The following GTF2E1 variants were observed in gnomAD, a reference collection of about 807,000 sequenced individuals.
GTF2E1 encodes general transcription factor IIE subunit 1.
GTF2E1 carries 14 observed loss-of-function variants against 34.9 expected under a neutral mutation model. The observed-to-expected ratio is 0.40, with a 90% CI of 0.27 to 0.63. GTF2E1 has a LOEUF of 0.63. GTF2E1 is among the 20% of genes least tolerant of loss of function. The probability of loss-of-function intolerance (pLI) is 0.39; values close to 1 mark genes in which losing one functional copy is unlikely to be tolerated. For missense variants in GTF2E1, 469 were observed against 557.7 expected (o/e 0.84, Z 1.60); for synonymous variants, 188 against 192.9 (o/e 0.97, Z 0.21).
In GTF2E1 at chr3:120,751,015, G is replaced by C; in HGVS notation, c.448+15G>C. On this transcript the variant is annotated intron_variant, in intron 2 of 4. Coordinates refer to ENST00000283875, the MANE Select transcript of GTF2E1 (RefSeq NM_005513.3). ...TCCTATGACAGGTGAGGTTTATCCA[G>C]TTTGTGAATCTTTAAAATAAAGTGT... 6.5e-7 allele frequency: 1 copy of C among 1,532,078 alleles called. No homozygotes were observed. The highest frequency in any genetic ancestry group is 2.3e-5 in the East Asian group (1 of 44,304). 94.9% of individuals were successfully genotyped at this position (1,532,078 alleles called of 1,614,324 possible). A position where few individuals can be genotyped will look rare whatever the true frequency, so the allele number is the denominator to read the frequency against.
intron 1 of GTF2E1, among the ~76,000 whole-genome samples, chr3:120,747,264 T>C (rs978291346): frequency 1.3e-5 from 2 of 151,738 alleles, no homozygotes; most frequent in African/African-American, 4.8e-5. Context: ...ATTATTATTA[T>C]ACTTTAAGTT....
chr3:120,763,774 A>T lies in GTF2E1; in HGVS notation c.449-6954A>T, dbSNP rs1432213330. 6.6e-5 allele frequency among the ~76,000 whole-genome samples: 10 copies of T among 151,844 alleles called. No homozygotes were observed. In the East Asian group the frequency reaches 1.7e-3, roughly 26 times the overall value. On this transcript the variant is annotated intron_variant, in intron 2 of 4. Coordinates refer to ENST00000283875, the MANE Select transcript of GTF2E1 (RefSeq NM_005513.3). ...TCTCTTAGGTAGTTTCCTTGCTTTCACTCTTGGTTCCCGTGTAGACTATTT... is the reference window on the plus strand; with the variant it reads ...TCTCTTAGGTAGTTTCCTTGCTTTCTCTCTTGGTTCCCGTGTAGACTATTT...
intron 2 of GTF2E1, among the ~76,000 whole-genome samples, chr3:120,759,813 G>A (rs1709242358): frequency 6.6e-6 from 1 of 152,110 alleles, no homozygotes; most frequent in South Asian, 2.1e-4. Flanking sequence ...TGCTTTGGTA[G>A]CAGTAACGTG....
At chr3:120,743,796 G>T (rs1709079370) in intron 1 of GTF2E1, among the ~76,000 whole-genome samples, 1 of 152,208 alleles carries the variant, frequency 6.6e-6, no homozygotes, top group Admixed American at 6.5e-5. Flanking sequence ...TTGAGAATAT[G>T]CTGGTGTGGC....
chr3:120,752,995 G>T (rs1217101053), intron 2 of GTF2E1, among the ~76,000 whole-genome samples: 2 of 152,110 alleles, frequency 1.3e-5, no homozygotes, highest in Non-Finnish European at 2.9e-5. Context: ...CCCTCATTCT[G>T]AGAACATACT....
intron 4 of GTF2E1, among the ~76,000 whole-genome samples, chr3:120,777,227 C>T (rs752482944): frequency 6.6e-6 from 1 of 152,136 alleles, no homozygotes; most frequent in Non-Finnish European, 1.5e-5. Context: ...TACTAATCTT[C>T]GGAAGTTAGA....
In GTF2E1 at chr3:120,750,811, A is replaced by G. The variant is rs750832297; in HGVS notation, c.259A>G (p.Thr87Ala). 24 of 1,613,880 alleles carry G rather than the reference A, an allele frequency of 1.5e-5. No individual in the cohort carries two copies. The South Asian group carries it at 2.5e-4, about 17-fold the overall frequency. The change falls in exon 2 of 5, where the codon ACT (threonine) becomes GCT (alanine). Residue 87 changes from threonine to alanine, a missense_variant. Physicochemically the swap from Thr to Ala is moderately conservative, Grantham distance 58. Coordinates refer to ENST00000283875, the MANE Select transcript of GTF2E1 (RefSeq NM_005513.3). ...RVETAADGKT[T>A]RHNYYFINYR... is the part of the protein sequence containing the mutation. ...AGAGACTGCTGCAGACGGGAAAACC[A>G]CTCGCCATAACTACTACTTCATCAA... is the stretch of plus-strand genomic sequence containing the variant.
chr3:120,756,655 G>A (rs375887041), intron 2 of GTF2E1, among the ~76,000 whole-genome samples: 1 of 152,186 alleles, frequency 6.6e-6, no homozygotes, highest in Admixed American at 6.5e-5. Flanking sequence ...GCTGGGCACA[G>A]TGGCTCATGC....
chr3:120,770,881 A>T lies in GTF2E1; in HGVS notation c.602A>T (p.Tyr201Phe). 6.2e-7 allele frequency: 1 copy of T among 1,613,684 alleles called. No individual in the cohort carries two copies. Among genetic ancestry groups the T allele is most frequent in the Non-Finnish European group, 8.5e-7 (1 of 1,179,624 alleles). ...LRETEDVNLA[Y>F]EILEPEPTEI... ...GAGACAGAGGATGTGAACTTGGCCTATGAAATACTTGAGCCAGAACCCACA... is the reference window on the plus strand; with the variant it reads ...GAGACAGAGGATGTGAACTTGGCCTTTGAAATACTTGAGCCAGAACCCACA... The change falls in exon 3 of 5, where the codon TAT becomes TTT. Residue 201 changes from tyrosine to phenylalanine, a missense_variant. Coordinates refer to ENST00000283875, the MANE Select transcript of GTF2E1 (RefSeq NM_005513.3).
chr3:120,750,818 A>G lies in GTF2E1; in HGVS notation c.266A>G (p.His89Arg), dbSNP rs766714183. The G allele has an allele frequency of 1.9e-5, 30 of 1,614,090 alleles. No homozygotes were observed. Among genetic ancestry groups the G allele is most frequent in the Non-Finnish European group, 2.5e-5 (30 of 1,179,952 alleles). The change falls in exon 2 of 5, where the codon CAT becomes CGT. Residue 89 changes from histidine (H) to arginine (R), a missense_variant. By Grantham distance (29) the His-to-Arg change is conservative. Coordinates refer to ENST00000283875, the MANE Select transcript of GTF2E1 (RefSeq NM_005513.3). ...GCTGCAGACGGGAAAACCACTCGCC[A>G]TAACTACTACTTCATCAATTATCGT... ...ETAADGKTTR[H>R]NYYFINYRTL...
At position 120,782,219 on chromosome 3, in the gene GTF2E1, A is replaced by G. The variant is rs1576365111; in HGVS notation, c.*749A>G. On this transcript the variant is annotated 3_prime_UTR_variant, in exon 5 of 5. Coordinates refer to ENST00000283875, the MANE Select transcript of GTF2E1 (RefSeq NM_005513.3). Reference sequence around the variant, plus strand: ...AGTCAAATCACTGATTGGGGGAAAAAATCCTGAAATTTTGCTTAGAATTTG... The same window carrying G: ...AGTCAAATCACTGATTGGGGGAAAAGATCCTGAAATTTTGCTTAGAATTTG... 1 of 152,272 alleles carries G rather than the reference A, an allele frequency of 6.6e-6. No individual in the cohort carries two copies. The highest frequency in any genetic ancestry group is 2.1e-4 in the South Asian group (1 of 4,824). 9.4% of individuals were successfully genotyped at this position (152,272 alleles called of 1,614,324 possible).
At position 120,782,674 on chromosome 3, in the gene GTF2E1, A is replaced by G. The variant is rs1709458142; in HGVS notation, c.*1204A>G. Reference sequence around the variant, plus strand: ...TAATGAGGCCATTCCAGCAGAAATCAACAGAATAATTGATTACTCTTCTCT... The same window carrying G: ...TAATGAGGCCATTCCAGCAGAAATCGACAGAATAATTGATTACTCTTCTCT... On this transcript the variant is annotated 3_prime_UTR_variant, in exon 5 of 5. Coordinates refer to ENST00000283875, the MANE Select transcript of GTF2E1 (RefSeq NM_005513.3). 1 of 152,158 alleles carries G rather than the reference A, an allele frequency of 6.6e-6. No homozygotes were observed. Among genetic ancestry groups the G allele is most frequent in the Non-Finnish European group, 1.5e-5 (1 of 68,024 alleles). 9.4% of individuals were successfully genotyped at this position (152,158 alleles called of 1,614,324 possible).
chr3:120,748,839 G>A (rs1709134127), intron 1 of GTF2E1, among the ~76,000 whole-genome samples: 1 of 152,100 alleles, frequency 6.6e-6, no homozygotes, highest in South Asian at 2.1e-4. Context: ...AATTACCTTG[G>A]GCAGTATGGC....
chr3:120,749,226 C>A (rs1017415887), intron 1 of GTF2E1, among the ~76,000 whole-genome samples: 10 of 151,872 alleles, frequency 6.6e-5, no homozygotes, highest in African/African-American at 2.4e-4. Context: ...TCCTCTTTTC[C>A]TAATTGAATA....
intron 2 of GTF2E1, among the ~76,000 whole-genome samples, chr3:120,764,747 TCAAGAGAATAAA>T (rs1709292621): frequency 6.6e-6 from 1 of 152,210 alleles, no homozygotes; most frequent in Non-Finnish European, 1.5e-5. Context: ...CTTGTCAAAC[TCAAGAGAATAAA>T]CAAGTTTTTG....
At chr3:120,747,369 G>T (rs1407220608) in intron 1 of GTF2E1, among the ~76,000 whole-genome samples, 1 of 151,852 alleles carries the variant, frequency 6.6e-6, no homozygotes, top group East Asian at 1.9e-4. Flanking sequence ...TTAACATTAG[G>T]TATATCTCCT....
At chr3:120,770,671 G>A (rs1709343574) in intron 2 of GTF2E1, 57 bp from the exon 3 acceptor site, 4 of 1,195,284 alleles carry the variant, frequency 3.3e-6, no homozygotes, top group Non-Finnish European at 3.8e-6. Context: ...GAGGGTGGAG[G>A]TATAAACTAT....
chr3:120,773,891 CAA>C (rs1709376464), intron 3 of GTF2E1, among the ~76,000 whole-genome samples: 1 of 152,124 alleles, frequency 6.6e-6, no homozygotes, highest in African/African-American at 2.4e-5. Context: ...ATACTAAAAA[CAA>C]AAGACTTTTT....
intron 2 of GTF2E1, among the ~76,000 whole-genome samples, chr3:120,765,097 G>T (rs1371446457): frequency 5.5e-5 from 7 of 128,218 alleles, no homozygotes; most frequent in Admixed American, 4.3e-4. Context: ...AAATTAAAAT[G>T]GTGTAGAACT....
Sources: allele counts gnomAD v4.1 joint callset (sites outside exome capture counted in the v4.1 genomes callset), GRCh38; gene constraint gnomAD v4.1.1; transcripts MANE v1.5; gene names NCBI Gene and HGNC (gene_info 2026-07-23, HGNC 2026-07-21).